Variants in MTMR3 observed in about 807,000 individuals in gnomAD.
The protein encoded by MTMR3 is myotubularin related protein 3.
Under a neutral mutation model 132.4 loss-of-function variants are expected in MTMR3, and 32 were observed. The ratio of observed to expected loss-of-function variants is 0.24; its 90% CI spans 0.18 to 0.32. The LOEUF is 0.32. Ranked by LOEUF, MTMR3 falls within the 10% of genes least tolerant of loss-of-function variation. The pLI is 1.00. For missense variants in MTMR3, 1,216 were observed against 1,489.6 expected (o/e 0.82, Z 3.02); for synonymous variants, 556 against 550.3 (o/e 1.01, Z -0.14).
chr22:30,012,864 CT>C (rs1425869488), intron 13 of MTMR3: 1 of 261,786 alleles, frequency 3.8e-6, no homozygotes, highest in African/African-American at 2.2e-5. Context: ...GTAAAAGGAT[CT>C]TGGCATGCTA....
chr22:29,938,844 C>T (rs529352086), intron 1 of MTMR3, among the ~76,000 whole-genome samples: 12 of 151,658 alleles, frequency 7.9e-5, no homozygotes, highest in African/African-American at 2.9e-4. Flanking sequence ...TTTTTTGAGA[C>T]AGAGTCTCAC....
chr22:29,900,934 G>T (rs1427658439), intron 1 of MTMR3, among the ~76,000 whole-genome samples: 3 of 152,120 alleles, frequency 2.0e-5, no homozygotes, highest in Non-Finnish European at 2.9e-5. Flanking sequence ...CAAGTGGTTT[G>T]CCTTGGCCTC....
intron 7 of MTMR3, chr22:29,998,222 G>C (rs1254273006): frequency 1.3e-5 from 2 of 152,304 alleles, no homozygotes; most frequent in African/African-American, 4.8e-5. Context: ...GTAAGGGTTA[G>C]ATGAGATAAC....
At chr22:30,023,860 G>T in intron 19 of MTMR3, 1 of 218,796 alleles carries the variant, frequency 4.6e-6, no homozygotes, top group East Asian at 1.2e-4. Context: ...CAGCATCACT[G>T]CTTCTTTTTT....
rs1480937837 is a variant in MTMR3 at position 30,026,271 on chromosome 22, C to G, written c.*470C>G. On this transcript the variant is annotated 3_prime_UTR_variant, in exon 20 of 20. Transcript: ENST00000401950. The stretch of plus-strand genomic sequence containing the variant: ...GCCACATCAGAGCTGGTTGGGAACC[C>G]TTTGCTGCTGGGGAGGCTGGAAGCA... 1.2e-5 allele frequency: 2 copies of G among 161,602 alleles called. No homozygotes were observed. The highest frequency in any genetic ancestry group is 4.8e-5 in the African/African-American group (2 of 41,628). The allele number at this position is 161,602 out of a possible 1,614,324, so 10.0% of individuals were successfully genotyped here. A position where few individuals can be genotyped will look rare whatever the true frequency, so the allele number is the denominator to read the frequency against.
Position 30,019,852 on chromosome 22 carries a change from A to C in MTMR3, c.2193A>C (p.Thr731=). 1 of 1,614,168 alleles carries C rather than the reference A, an allele frequency of 6.2e-7. No homozygotes were observed. The highest frequency in any genetic ancestry group is 8.5e-7 in the Non-Finnish European group (1 of 1,180,026). ...TAGAAAAGGAGAGCAGGAGGAAGAC[A>C]CCTGAGGCCTCAGCCATTGGACTTC... ...PLLEKESRRK[T]PEASAIGLHQ... The change falls in exon 17 of 20, where the codon ACA becomes ACC. Residue 731 remains threonine (T), a synonymous_variant. Transcript: ENST00000401950.
intron 1 of MTMR3, among the ~76,000 whole-genome samples, chr22:29,944,944 T>A (rs370448763): frequency 1.0e-3 from 155 of 152,362 alleles, no homozygotes; most frequent in African/African-American, 3.6e-3. Flanking sequence ...TGTGTGTGAT[T>A]TATAATAATA....
At chr22:29,913,042 T>G (rs953325714) in intron 1 of MTMR3, among the ~76,000 whole-genome samples, 9 of 152,088 alleles carry the variant, frequency 5.9e-5, no homozygotes, top group African/African-American at 2.2e-4. Flanking sequence ...GCCTGGAGTT[T>G]GAGACCAGCC....
At chr22:29,935,409 G>T (rs1056991654) in intron 1 of MTMR3, among the ~76,000 whole-genome samples, 3 of 152,174 alleles carry the variant, frequency 2.0e-5, no homozygotes, top group African/African-American at 7.2e-5. Context: ...AGGTCAGGCT[G>T]ACTTTAAAGC....
At chr22:29,905,329 C>A (rs1368675429) in intron 1 of MTMR3, among the ~76,000 whole-genome samples, 1 of 152,152 alleles carries the variant, frequency 6.6e-6, no homozygotes, top group Non-Finnish European at 1.5e-5. Flanking sequence ...TAAAAGAAAT[C>A]CGCACATGAG....
chr22:29,897,245 T>G (rs1272683271), intron 1 of MTMR3, among the ~76,000 whole-genome samples: 1 of 151,730 alleles, frequency 6.6e-6, no homozygotes, highest in Non-Finnish European at 1.5e-5. Flanking sequence ...CCCAGCTAAT[T>G]TTTGTATTTT....
At chr22:29,963,448 G>A (rs1184090456) in intron 2 of MTMR3, among the ~76,000 whole-genome samples, 1 of 146,706 alleles carries the variant, frequency 6.8e-6, no homozygotes, top group Non-Finnish European at 1.5e-5. Context: ...GGAGGGCAAT[G>A]GTGCGATCTC....
At chr22:29,897,175 T>G (rs758862115) in intron 1 of MTMR3, among the ~76,000 whole-genome samples, 1 of 151,880 alleles carries the variant, frequency 6.6e-6, no homozygotes, top group Non-Finnish European at 1.5e-5. Flanking sequence ...CCTCCTGGGT[T>G]CAAGCGATTC....
chr22:29,909,369 T>A (rs1198624451), intron 1 of MTMR3, among the ~76,000 whole-genome samples: 1 of 152,216 alleles, frequency 6.6e-6, no homozygotes. Flanking sequence ...TTTTTGAGAT[T>A]GAGTGCTTTG....
chr22:29,989,740 T>G (rs941826038), intron 6 of MTMR3: 1 of 152,202 alleles, frequency 6.6e-6, no homozygotes, highest in African/African-American at 2.4e-5. Flanking sequence ...AGTGTCCACA[T>G]GTCCTTCATT....
chr22:29,922,603 A>G (rs763480612), intron 1 of MTMR3, among the ~76,000 whole-genome samples: 2 of 152,172 alleles, frequency 1.3e-5, no homozygotes, highest in African/African-American at 2.4e-5. Context: ...TCCTATGAAC[A>G]TTGGTGTACA....
chr22:29,998,920 T>G, intron 8 of MTMR3, 63 bp downstream of exon 8: 1 of 1,051,886 alleles, frequency 9.5e-7, no homozygotes. Context: ...ACCGCAATTC[T>G]CATGTGGCAG....
chr22:29,908,444 A>G (rs923367564), intron 1 of MTMR3, among the ~76,000 whole-genome samples: 1 of 152,236 alleles, frequency 6.6e-6, no homozygotes, highest in African/African-American at 2.4e-5. Flanking sequence ...AGGAGTAAAA[A>G]TAGAATGAAA....
At position 30,019,580 on chromosome 22, in the gene MTMR3, T is replaced by C. The variant is rs1402328645; in HGVS notation, c.1921T>C (p.Trp641Arg). The C allele has an allele frequency of 6.2e-7, 1 of 1,613,856 alleles. No homozygotes were observed. Among genetic ancestry groups the C allele is most frequent in the South Asian group, 1.1e-5 (1 of 91,090 alleles). Residue 641 changes from tryptophan to arginine, a missense_variant, in exon 17 of 20, where the codon TGG (tryptophan) becomes CGG (arginine). Trp to Arg is a moderately radical substitution (Grantham distance 101, BLOSUM62 -3). Around this residue, in one of 7 missense-constraint regions of MTMR3, gnomAD observed 852 missense variants for 852.0 expected, o/e 1.00. Coordinates refer to ENST00000401950, the MANE Select transcript of MTMR3 (RefSeq NM_021090.4). The part of the protein sequence containing the change: ...RCSDPSLNEK[W>R]QEHRRSLELS... ...CAGCGACCCCAGCCTGAACGAGAAG[T>C]GGCAGGAGCACCGGCGCTCACTAGA... is the stretch of plus-strand genomic sequence containing the variant.
Sources: gnomAD v4.1 joint callset for allele counts (sites outside exome capture counted in the v4.1 genomes callset) on GRCh38, gnomAD v4.1.1 for gene constraint, gnomAD v4.1.1 regional missense constraint, MANE v1.5 for transcripts, NCBI Gene and HGNC (gene_info 2026-07-23, HGNC 2026-07-21) for gene names.